SCCPDH: variants seen among roughly 807,000 people sequenced by gnomAD.
SCCPDH encodes the protein saccharopine dehydrogenase (putative).
Under a neutral mutation model 51.5 loss-of-function variants are expected in SCCPDH, and 34 were observed. That is an observed-to-expected ratio of 0.66 (90% CI 0.50 to 0.88). SCCPDH has a LOEUF of 0.88. SCCPDH is among the 40% of genes least tolerant of loss of function. The pLI is 0.00. For missense variants in SCCPDH, 464 were observed against 527.1 expected, an observed-to-expected ratio of 0.88 and a Z score of 1.17; for synonymous variants, 187 against 191.3, an observed-to-expected ratio of 0.98 and a Z score of 0.19.
At chr1:246,766,853 C>T (rs1055609478) in intron 11 of SCCPDH, among the ~76,000 whole-genome samples, 40 of 151,986 alleles carry the variant, frequency 2.6e-4, no homozygotes, top group African/African-American at 9.2e-4. Flanking sequence ...TTATTCCATT[C>T]GGGTCTTTCT....
intron 5 of SCCPDH, among the ~76,000 whole-genome samples, chr1:246,752,778 A>G (rs1278614894): frequency 2.0e-5 from 3 of 152,166 alleles, no homozygotes; most frequent in African/African-American, 7.2e-5. Context: ...GCCAAATTTT[A>G]GTACTAAATC....
At chr1:246,728,795 C>T (rs1263862452) in intron 2 of SCCPDH, among the ~76,000 whole-genome samples, 1 of 152,154 alleles carries the variant, frequency 6.6e-6, no homozygotes, top group Non-Finnish European at 1.5e-5. Context: ...GCATCATACC[C>T]TGTAGTCTGC....
intron 5 of SCCPDH, among the ~76,000 whole-genome samples, chr1:246,750,090 T>C (rs12083314): frequency 1.3e-5 from 2 of 152,172 alleles, no homozygotes. Flanking sequence ...CCAGGTGTAA[T>C]GAGTCCATCC....
chr1:246,737,192 G>C (rs1009376536), intron 3 of SCCPDH, among the ~76,000 whole-genome samples: 2 of 150,470 alleles, frequency 1.3e-5, no homozygotes, highest in Admixed American at 6.7e-5. Flanking sequence ...TACTGAGACA[G>C]TGTAAATTAC....
chr1:246,756,546 A>T (rs965467638), intron 5 of SCCPDH, among the ~76,000 whole-genome samples: 2 of 152,220 alleles, frequency 1.3e-5, no homozygotes, highest in African/African-American at 4.8e-5. Flanking sequence ...GCTTAGTTGT[A>T]TAAGAAAATA....
intron 3 of SCCPDH, among the ~76,000 whole-genome samples, chr1:246,739,964 C>T (rs964851865): frequency 1.3e-5 from 2 of 152,030 alleles, no homozygotes; most frequent in Admixed American, 6.6e-5. Flanking sequence ...TACAGTCAGA[C>T]GAGCACAACT....
intron 2 of SCCPDH, among the ~76,000 whole-genome samples, chr1:246,735,140 C>G (rs897047180): frequency 2.6e-5 from 4 of 152,142 alleles, no homozygotes; most frequent in African/African-American, 9.7e-5. Context: ...ATACCACTAT[C>G]CTGTTTAAAA....
chr1:246,765,555 T>TC (rs1479498593), intron 10 of SCCPDH, among the ~76,000 whole-genome samples: 1 of 152,262 alleles, frequency 6.6e-6, no homozygotes, highest in Non-Finnish European at 1.5e-5. Flanking sequence ...TTATGTTTAG[T>TC]CGTTATTCTT....
intron 2 of SCCPDH, 151 bp downstream of exon 2, chr1:246,727,155 G>C (rs1572291236): frequency 1.6e-6 from 1 of 636,752 alleles, no homozygotes; most frequent in East Asian, 2.7e-5. Context: ...GGAGCAGCTG[G>C]AGATGACCAA....
intron 1 of SCCPDH, 129 bp from the exon 2 acceptor site, chr1:246,726,763 G>A (rs1572291025): frequency 3.1e-6 from 2 of 643,210 alleles, no homozygotes; most frequent in East Asian, 5.6e-5. Context: ...TTTTGTCTAA[G>A]CAGGAGAGCT....
At position 246,726,929 on chromosome 1, in the gene SCCPDH, C is replaced by T; in HGVS notation, c.228C>T (p.Ile76=). ...TGTCATCTGAAGTTGGAATCATCAT[C>T]TGTGATATTGCTAATCCAGCCTCGC... ...PTLSSEVGII[I]CDIANPASLD... Residue 76 remains isoleucine (I), a synonymous_variant, in exon 2 of 12, where the codon ATC becomes ATT. Transcript: ENST00000366510. 6.2e-7 allele frequency: 1 copy of T among 1,614,100 alleles called. No homozygotes were observed. The highest frequency in any genetic ancestry group is 8.5e-7 in the Non-Finnish European group (1 of 1,179,962).
intron 9 of SCCPDH, among the ~76,000 whole-genome samples, chr1:246,762,310 T>A (rs1222641246): frequency 6.6e-6 from 1 of 152,170 alleles, no homozygotes; most frequent in African/African-American, 2.4e-5. Context: ...TTTCTGTTAT[T>A]CTTTGGGTTG....
Position 246,767,652 on chromosome 1 carries a change from TC to T in SCCPDH, c.*353del. 1 of 157,204 alleles carries T rather than the reference TC, an allele frequency of 6.4e-6. No individual in the cohort carries two copies. The highest frequency in any genetic ancestry group is 2.4e-5 in the African/African-American group (1 of 41,800). The allele number at this position is 157,204 out of a possible 1,614,324, so 9.7% of individuals were successfully genotyped here. On this transcript the variant is annotated 3_prime_UTR_variant, in exon 12 of 12. Transcript: ENST00000366510. ...GGGGGTGCGCACACCATCGTTACTG[TC>T]GGGCAGTAACTGCCGCTTGCCTTGC...
intron 3 of SCCPDH, among the ~76,000 whole-genome samples, chr1:246,739,751 CATT>C (rs1196010094): frequency 2.0e-5 from 3 of 152,162 alleles, no homozygotes; most frequent in Non-Finnish European, 2.9e-5. Flanking sequence ...GCAGAGCAGA[CATT>C]ATTCCCCTGT....
chr1:246,748,545 A>C (rs1017821656), intron 5 of SCCPDH, among the ~76,000 whole-genome samples: 25 of 152,314 alleles, frequency 1.6e-4, no homozygotes, highest in Non-Finnish European at 2.6e-4. Context: ...TTGTTCTGCT[A>C]TCCCTTTGAC....
intron 1 of SCCPDH, among the ~76,000 whole-genome samples, chr1:246,724,929 C>CA (rs938545238): frequency 2.0e-5 from 3 of 152,064 alleles, no homozygotes; most frequent in African/African-American, 7.2e-5. Flanking sequence ...CTTGAGTTGT[C>CA]CCTCTCTCTG....
intron 2 of SCCPDH, among the ~76,000 whole-genome samples, chr1:246,729,927 C>T (rs1007224591): frequency 6.6e-6 from 1 of 152,106 alleles, no homozygotes; most frequent in Non-Finnish European, 1.5e-5. Context: ...GTTCGGGGTC[C>T]CTGACTTCCT....
At chr1:246,760,349 T>G in intron 9 of SCCPDH, 122 bp downstream of exon 9, 1 of 800,824 alleles carries the variant, frequency 1.2e-6, no homozygotes, top group Non-Finnish European at 1.9e-6. Flanking sequence ...GTAAATTAGA[T>G]TATTCAATCT....
At chr1:246,734,098 C>G (rs991421730) in intron 2 of SCCPDH, among the ~76,000 whole-genome samples, 2 of 152,134 alleles carry the variant, frequency 1.3e-5, no homozygotes, top group Non-Finnish European at 2.9e-5. Context: ...CTCAGAAAGC[C>G]TGATTCTGGG....
Sources: allele counts gnomAD v4.1 joint callset (sites outside exome capture counted in the v4.1 genomes callset), GRCh38; gene constraint gnomAD v4.1.1; transcripts MANE v1.5; gene names NCBI Gene and HGNC (gene_info 2026-07-23, HGNC 2026-07-21).